The following IGSF21 variants were observed in gnomAD, a reference collection of about 807,000 sequenced individuals.
The protein encoded by IGSF21 is immunoglobulin superfamily member 21.
IGSF21 carries 28 observed loss-of-function variants against 46.8 expected under a neutral mutation model. That is an observed-to-expected ratio of 0.60 (90% CI 0.44 to 0.82). The LOEUF is 0.82. Ranked by LOEUF, IGSF21 falls within the 40% of genes least tolerant of loss-of-function variation. The pLI is 0.00. For missense variants in IGSF21, 624 were observed against 665.5 expected, an observed-to-expected ratio of 0.94 and a Z score of 0.69; for synonymous variants, 284 against 273.6, an observed-to-expected ratio of 1.04 and a Z score of -0.38.
At chr1:18,312,159 G>C (rs969441229) in intron 3 of IGSF21, among the ~76,000 whole-genome samples, 1 of 152,138 alleles carries the variant, frequency 6.6e-6, no homozygotes, top group African/African-American at 2.4e-5. Context: ...AGTTTCCTCT[G>C]GTCTCCTGAT....
At chr1:18,315,151 A>C (rs1255357658) in intron 3 of IGSF21, among the ~76,000 whole-genome samples, 1 of 152,044 alleles carries the variant, frequency 6.6e-6, no homozygotes, top group Non-Finnish European at 1.5e-5. Context: ...AGTGGAGAGC[A>C]TTTCCACGGC....
Position 18,341,761 on chromosome 1 carries a change from G to A in IGSF21, c.424+6751G>A, listed in dbSNP as rs373293209. Among the ~76,000 whole-genome samples, 13 of 152,294 alleles carry A rather than the reference G, an allele frequency of 8.5e-5. No individual in the cohort carries two copies. The East Asian group carries it at 2.1e-3, about 25-fold the overall frequency. On this transcript the variant is annotated intron_variant, in intron 4 of 9. Transcript: ENST00000251296. Reference sequence around the variant, plus strand: ...TCCTCCAGAAGTTTACCAATGAGTAGGAAGCCCAGACTCATAAAGTATTGG... The same window carrying A: ...TCCTCCAGAAGTTTACCAATGAGTAAGAAGCCCAGACTCATAAAGTATTGG...
At chr1:18,236,730 G>A (rs1569596354) in intron 2 of IGSF21, among the ~76,000 whole-genome samples, 1 of 151,988 alleles carries the variant, frequency 6.6e-6, no homozygotes, top group African/African-American at 2.4e-5. Context: ...AAGACGGTGA[G>A]GAGTGGAGTG....
chr1:18,156,867 A>G (rs1375452502), intron 1 of IGSF21, among the ~76,000 whole-genome samples: 1 of 151,724 alleles, frequency 6.6e-6, no homozygotes, highest in East Asian at 1.9e-4. Context: ...AGACATTCAG[A>G]CTCTCCCAGC....
intron 1 of IGSF21, among the ~76,000 whole-genome samples, chr1:18,163,328 A>AT (rs1187338745): frequency 6.6e-6 from 1 of 152,034 alleles, no homozygotes; most frequent in Non-Finnish European, 1.5e-5. Flanking sequence ...AGGAGGAGGT[A>AT]TGGCAGATGG....
chr1:18,243,548 C>A (rs1257464445), intron 2 of IGSF21, among the ~76,000 whole-genome samples: 1 of 152,192 alleles, frequency 6.6e-6, no homozygotes, highest in African/African-American at 2.4e-5. Context: ...CCCCCAAATC[C>A]AGTATCCACC....
intron 3 of IGSF21, among the ~76,000 whole-genome samples, chr1:18,320,185 G>A (rs544572251): frequency 5.9e-5 from 9 of 152,288 alleles, no homozygotes; most frequent in Middle Eastern, 3.4e-3. Flanking sequence ...ACCTTGGATC[G>A]GATCTTGGTG....
Position 18,290,367 on chromosome 1 carries a change from G to A in IGSF21, c.184-1499G>A, listed in dbSNP as rs148771918. ...TCGCTAAGTCCCGACAGAGATAGGA[G>A]GGGTGTGGGCTTACGGAGGGGTAAG... On this transcript the variant is annotated intron_variant, in intron 2 of 9. Transcript: ENST00000251296. This position sits in a 1 kb window ranked among gnomAD's most constrained non-coding sequence, Gnocchi z 4.2. 4.7e-4 allele frequency among the ~76,000 whole-genome samples: 72 copies of A among 152,306 alleles called. No individual in the cohort carries two copies. Among genetic ancestry groups the A allele is most frequent in the Non-Finnish European group, 7.9e-4 (54 of 68,030 alleles).
intron 3 of IGSF21, among the ~76,000 whole-genome samples, chr1:18,313,885 T>G (rs1192350575): frequency 1.3e-5 from 2 of 152,208 alleles, no homozygotes; most frequent in African/African-American, 4.8e-5. Context: ...GCCCTGAATC[T>G]TTCTGGAAAA....
chr1:18,328,450 G>A (rs746339913), intron 3 of IGSF21, among the ~76,000 whole-genome samples: 5 of 152,114 alleles, frequency 3.3e-5, no homozygotes, highest in East Asian at 3.9e-4. Flanking sequence ...TGACTTTCAC[G>A]CTGTCTTAAG....
chr1:18,134,761 CCA>C (rs1186676136), intron 1 of IGSF21, among the ~76,000 whole-genome samples: 53 of 152,210 alleles, frequency 3.5e-4, no homozygotes, highest in African/African-American at 1.2e-3. Flanking sequence ...GTCCTCTGCC[CCA>C]GGGTCCATGG....
chr1:18,355,829 CTTTTTTTTTTT>C (rs61589417), intron 4 of IGSF21, among the ~76,000 whole-genome samples: 1 of 88,966 alleles, frequency 1.1e-5, no homozygotes, highest in Non-Finnish European at 2.2e-5. Flanking sequence ...TGTCTAGACT[CTTTTTTTTTTT>C]TTTTTTTTTT....
At chr1:18,289,578 C>T (rs1453201208) in intron 2 of IGSF21, among the ~76,000 whole-genome samples, 2 of 152,160 alleles carry the variant, frequency 1.3e-5, no homozygotes, top group African/African-American at 4.8e-5. Context: ...TCCCAGGGAC[C>T]TGGTACAGCC....
chr1:18,175,167 G>A (rs2086783165), intron 1 of IGSF21, among the ~76,000 whole-genome samples: 1 of 152,212 alleles, frequency 6.6e-6, no homozygotes, highest in Non-Finnish European at 1.5e-5. Context: ...TTGGGCTTGG[G>A]CGTCCAAAAC....
chr1:18,246,891 C>T (rs925620582), intron 2 of IGSF21, among the ~76,000 whole-genome samples: 2 of 151,980 alleles, frequency 1.3e-5, no homozygotes, highest in African/African-American at 4.8e-5. Flanking sequence ...GAGAAGAGAG[C>T]GAATCTTTGT....
chr1:18,337,999 G>A lies in IGSF21; in HGVS notation c.424+2989G>A, dbSNP rs1408450352. On this transcript the variant is annotated intron_variant, in intron 4 of 9. Transcript: ENST00000251296. The surrounding 1 kb of genome is among the most constrained non-coding windows in gnomAD (Gnocchi z 5.7). ...GGGGAGGGCCGGGGGAGGCGGCGTG[G>A]CTGAGTGTTTCTCATACAGCATCTC... 1.3e-5 allele frequency among the ~76,000 whole-genome samples: 2 copies of A among 152,072 alleles called. No homozygotes were observed. Among genetic ancestry groups the A allele is most frequent in the African/African-American group, 4.8e-5 (2 of 41,402 alleles).
chr1:18,118,778 G>A (rs910410439), intron 1 of IGSF21, among the ~76,000 whole-genome samples: 4 of 152,140 alleles, frequency 2.6e-5, no homozygotes, highest in African/African-American at 9.7e-5. Context: ...CCCATGGAGA[G>A]CATGGGGGTT....
chr1:18,191,553 G>A (rs140516804), intron 1 of IGSF21, among the ~76,000 whole-genome samples: 2,377 of 152,132 alleles, frequency 0.016, 53 homozygotes, highest in African/African-American at 0.053. Context: ...GGATCCATAC[G>A]GTCTGCTGGG....
At chr1:18,201,162 C>T (rs12722792) in intron 1 of IGSF21, among the ~76,000 whole-genome samples, 10 of 152,106 alleles carry the variant, frequency 6.6e-5, no homozygotes, top group African/African-American at 9.7e-5. Flanking sequence ...GAGGAAGGAG[C>T]GCCCCTGAGC....
Sources: allele counts gnomAD v4.1 joint callset (sites outside exome capture counted in the v4.1 genomes callset), GRCh38; gene constraint gnomAD v4.1.1; non-coding constraint Gnocchi (gnomAD v3.1); transcripts MANE v1.5; gene names NCBI Gene and HGNC (gene_info 2026-07-23, HGNC 2026-07-21).